Variants in ATP6V0A1 observed in about 807,000 individuals in gnomAD.
ATP6V0A1 encodes V-type proton ATPase 116 kDa subunit a 1.
In ATP6V0A1, 43 loss-of-function variants were observed where a neutral mutation model predicts 105.4. The ratio of observed to expected loss-of-function variants is 0.41; its 90% CI spans 0.32 to 0.53. The LOEUF is 0.53. ATP6V0A1 is among the 20% of genes least tolerant of loss of function. The pLI, the probability that ATP6V0A1 is intolerant of heterozygous loss-of-function variation, is 0.30. For synonymous variants in ATP6V0A1, 362 were observed against 372.8 expected (o/e 0.97, Z 0.33); for missense variants, 676 against 1,051.1 (o/e 0.64, Z 4.93).
chr17:42,463,314 T>A (rs2086664973), intron 2 of ATP6V0A1, among the ~76,000 whole-genome samples: 1 of 152,112 alleles, frequency 6.6e-6, no homozygotes, highest in Non-Finnish European at 1.5e-5. Flanking sequence ...AGACTGAACA[T>A]TTTCATCAGT....
intron 4 of ATP6V0A1, among the ~76,000 whole-genome samples, chr17:42,469,648 T>G (rs892352486): frequency 4.0e-5 from 6 of 151,630 alleles, no homozygotes; most frequent in African/African-American, 1.5e-4. Context: ...GAAAGACTAT[T>G]TATTTATTTA....
At chr17:42,461,920 A>G (rs914553041) in intron 2 of ATP6V0A1, among the ~76,000 whole-genome samples, 5 of 151,918 alleles carry the variant, frequency 3.3e-5, no homozygotes, top group South Asian at 2.1e-4. Context: ...AAAAAAAGAG[A>G]TAGGGGCCAG....
At chr17:42,461,470 A>G (rs71377284) in intron 2 of ATP6V0A1, among the ~76,000 whole-genome samples, 2 of 152,204 alleles carry the variant, frequency 1.3e-5, no homozygotes, top group Non-Finnish European at 2.9e-5. Context: ...TGGAGAAGCT[A>G]TCTAAAGAAT....
At chr17:42,483,806 G>A (rs964477903) in intron 9 of ATP6V0A1, among the ~76,000 whole-genome samples, 7 of 151,376 alleles carry the variant, frequency 4.6e-5, no homozygotes, top group East Asian at 2.0e-4. Flanking sequence ...GGTCTCAAAC[G>A]CCTGACCTCA....
chr17:42,496,560 G>T (rs1479698802), intron 14 of ATP6V0A1: 1 of 152,036 alleles, frequency 6.6e-6, no homozygotes, highest in East Asian at 1.9e-4. Flanking sequence ...AATAATACAG[G>T]CTGGGCGAGG....
Position 42,501,430 on chromosome 17 carries a change from T to C in ATP6V0A1, c.2004+126T>C, listed in dbSNP as rs80121596. 6 of 799,194 alleles carry C rather than the reference T, an allele frequency of 7.5e-6. No individual in the cohort carries two copies. The African/African-American group carries it at 8.8e-5, about 12-fold the overall frequency. The allele number at this position is 799,194 out of a possible 1,614,324, so 49.5% of individuals were successfully genotyped here. On this transcript the variant is annotated intron_variant, in intron 17 of 21. Coordinates refer to ENST00000343619, the MANE Select transcript of ATP6V0A1 (RefSeq NM_001130021.3). The stretch of plus-strand genomic sequence containing the variant: ...TTCTTTTTCTTTTTCTTTTTCTTTT[T>C]TTGAGACGGAGTCTCGCTCTGTCCC...
In ATP6V0A1 at chr17:42,478,526, A is replaced by T; in HGVS notation, c.570A>T (p.Val190=). The part of the protein sequence containing the change: ...IPTFERMLWR[V]CRGNVFLRQA... ...CTTTTGAGCGCATGCTTTGGCGGGT[A>T]TGCCGGGGAAATGTGTTCCTGCGAC... Residue 190 remains valine (V), a synonymous_variant, in exon 7 of 22, where the codon GTA becomes GTT. Coordinates refer to ENST00000343619, the MANE Select transcript of ATP6V0A1 (RefSeq NM_001130021.3). The T allele has an allele frequency of 6.2e-7, 1 of 1,610,536 alleles. No individual in the cohort carries two copies. The highest frequency in any genetic ancestry group is 8.5e-7 in the Non-Finnish European group (1 of 1,177,952).
chr17:42,511,711 G>A (rs1003385198), intron 19 of ATP6V0A1, among the ~76,000 whole-genome samples: 9 of 152,062 alleles, frequency 5.9e-5, no homozygotes, highest in African/African-American at 2.2e-4. Context: ...GCTCACGCCT[G>A]TAATCCCCAG....
In ATP6V0A1 at chr17:42,475,558, G is replaced by C. The variant is rs2088620544; in HGVS notation, c.424-2102G>C. Among the ~76,000 whole-genome samples, 4 of 152,142 alleles carry C rather than the reference G, an allele frequency of 2.6e-5. No individual in the cohort carries two copies. The South Asian group carries it at 8.3e-4, about 32-fold the overall frequency. ...TTTTAGCTCATTAGTTATCATTATA[G>C]TGTATTTTATGTGTGGCCCAAGACA... On this transcript the variant is annotated intron_variant, in intron 5 of 21. Transcript: ENST00000343619.
In ATP6V0A1 at chr17:42,480,660, G is replaced by T; in HGVS notation, c.634-7G>T. ...CTGAACTCTTGTTTTTTTATTCTGG[G>T]GCCTAGGGCGACTACGTGCACAAGT... On this transcript the variant is annotated splice_polypyrimidine_tract_variant and splice_region_variant and intron_variant, in intron 7 of 21. Coordinates refer to ENST00000343619, the MANE Select transcript of ATP6V0A1 (RefSeq NM_001130021.3). The T allele has an allele frequency of 6.2e-7, 1 of 1,604,428 alleles. No homozygotes were observed. The highest frequency in any genetic ancestry group is 1.7e-5 in the Admixed American group (1 of 57,464).
At chr17:42,508,691 T>G in intron 19 of ATP6V0A1, 102 bp downstream of exon 19, 1 of 1,495,828 alleles carries the variant, frequency 6.7e-7, no homozygotes, top group Non-Finnish European at 9.3e-7. Flanking sequence ...GCCATACACA[T>G]GACTCCTGTG....
chr17:42,482,307 C>T (rs981356415), intron 8 of ATP6V0A1, among the ~76,000 whole-genome samples: 2 of 151,962 alleles, frequency 1.3e-5, no homozygotes, highest in South Asian at 2.1e-4. Flanking sequence ...CCACCATGCC[C>T]GACTAATTTT....
intron 8 of ATP6V0A1, chr17:42,480,964 C>G: frequency 2.6e-6 from 1 of 390,188 alleles, no homozygotes; most frequent in Non-Finnish European, 4.6e-6. Flanking sequence ...CTCTGTTGCC[C>G]AGGCTGGAGT....
chr17:42,464,673 G>A (rs2086830397), intron 2 of ATP6V0A1, among the ~76,000 whole-genome samples: 1 of 152,096 alleles, frequency 6.6e-6, no homozygotes, highest in African/African-American at 2.4e-5. Context: ...AAAGTGCTGG[G>A]ATTACAAGCG....
chr17:42,491,101 G>A (rs2090580443), intron 11 of ATP6V0A1, among the ~76,000 whole-genome samples: 1 of 151,608 alleles, frequency 6.6e-6, no homozygotes. Flanking sequence ...TTAGAGACGG[G>A]GTCTTGTTAT....
chr17:42,470,633 A>G (rs183820861), intron 5 of ATP6V0A1: 51 of 169,574 alleles, frequency 3.0e-4, no homozygotes, highest in Non-Finnish European at 5.9e-4. Flanking sequence ...TTCATTGTCT[A>G]TGTTTGCTTA....
rs574310121 is a variant in ATP6V0A1, at chr17:42,517,709, T to C, written c.2420+3249T>C. 2.0e-5 allele frequency among the ~76,000 whole-genome samples: 3 copies of C among 152,312 alleles called. No homozygotes were observed. In the South Asian group the frequency reaches 6.2e-4, roughly 32 times the overall value. On this transcript the variant is annotated intron_variant, in intron 21 of 21. Transcript: ENST00000343619. ...TGTGGCCCAGGACTGCAGGAGGCGT[T>C]CTGAGCTGTGGCCCTCTTACCAGGG...
intron 9 of ATP6V0A1, among the ~76,000 whole-genome samples, chr17:42,484,567 C>T (rs933853665): frequency 6.6e-6 from 1 of 151,942 alleles, no homozygotes; most frequent in African/African-American, 2.4e-5. Flanking sequence ...ACTTTTGTAC[C>T]CAAGAAGAGA....
intron 5 of ATP6V0A1, among the ~76,000 whole-genome samples, chr17:42,477,266 T>G (rs1286892547): frequency 1.3e-5 from 2 of 152,208 alleles, no homozygotes; most frequent in Non-Finnish European, 2.9e-5. Flanking sequence ...GAAGAGATAT[T>G]TTAGCTTCCT....
Sources: allele counts gnomAD v4.1 joint callset (sites outside exome capture counted in the v4.1 genomes callset), GRCh38; gene constraint gnomAD v4.1.1; transcripts MANE v1.5; gene names NCBI Gene and HGNC (gene_info 2026-07-23, HGNC 2026-07-21).